The following PTCHD4 variants were observed in gnomAD, a reference collection of about 807,000 sequenced individuals.
PTCHD4 encodes the protein patched domain-containing protein 4.
PTCHD4 carries 33 observed loss-of-function variants against 58.1 expected under a neutral mutation model. The ratio of observed to expected loss-of-function variants is 0.57; its 90% CI spans 0.43 to 0.76. The LOEUF (loss-of-function observed/expected upper bound fraction) is 0.76, where lower values mean the gene tolerates loss of function less well. Among genes scored for constraint, PTCHD4 ranks in the 30% least tolerant of loss-of-function variants. PTCHD4 has a pLI of 0.00. For synonymous variants in PTCHD4, 478 were observed against 409.6 expected (o/e 1.17, Z -2.02); for missense variants, 1,058 against 1,027.1 (o/e 1.03, Z -0.41).
intron 1 of PTCHD4, among the ~76,000 whole-genome samples, chr6:48,081,112 AATGTACAAAACCCTCCT>A (rs1274279449): frequency 6.6e-6 from 1 of 152,174 alleles, no homozygotes; most frequent in Non-Finnish European, 1.5e-5. Context: ...GAATAACCAA[AATGTACAAAACCCTCCT>A]ATGTACAAAA....
At chr6:47,911,043 G>C (rs1290603684) in intron 4 of PTCHD4, among the ~76,000 whole-genome samples, 1 of 151,992 alleles carries the variant, frequency 6.6e-6, no homozygotes, top group Non-Finnish European at 1.5e-5. Flanking sequence ...TAAAAATAAA[G>C]CCAAAGAATG....
chr6:48,098,342 C>CTTTTTT (rs776103767), intron 1 of PTCHD4, among the ~76,000 whole-genome samples: 1 of 140,244 alleles, frequency 7.1e-6, no homozygotes, highest in Non-Finnish European at 1.6e-5. Flanking sequence ...TCTTCTTCTT[C>CTTTTTT]TTTTTTTTTT....
intron 4 of PTCHD4, among the ~76,000 whole-genome samples, chr6:47,905,544 A>T (rs11753900): frequency 0.66 from 100,130 of 152,134 alleles, 33,282 homozygotes; most frequent in East Asian, 0.78. Context: ...ATGTGCAAGT[A>T]ATTGTTACAT....
chr6:47,918,048 G>T (rs576374307), intron 4 of PTCHD4, among the ~76,000 whole-genome samples: 7 of 152,152 alleles, frequency 4.6e-5, no homozygotes, highest in African/African-American at 1.7e-4. Context: ...CAGCTTCTAA[G>T]TACGTGTTTT....
chr6:47,907,734 C>T (rs1301764616), intron 4 of PTCHD4, among the ~76,000 whole-genome samples: 4 of 152,262 alleles, frequency 2.6e-5, no homozygotes, highest in Middle Eastern at 3.4e-3. Context: ...AAAACCATGC[C>T]TACCTCTGTT....
intron 4 of PTCHD4, among the ~76,000 whole-genome samples, chr6:47,941,971 TG>T (rs911361887): frequency 3.3e-5 from 5 of 152,228 alleles, no homozygotes; most frequent in African/African-American, 1.2e-4. Context: ...GAAGTTGTGT[TG>T]AATGTGAATC....
chr6:48,036,186 T>C, intron 3 of PTCHD4, among the ~76,000 whole-genome samples: 1 of 152,038 alleles, frequency 6.6e-6, no homozygotes, highest in East Asian at 1.9e-4. Flanking sequence ...AGTATGTGTG[T>C]ATAAGCAGAG....
Position 47,875,029 on chromosome 6 carries a change from T to A in PTCHD4, c.*3274A>T, listed in dbSNP as rs1160833792. ...TGGCACTTTCCAATTCAAATTTAAATTCTGATGGAAGGAAATAAATCCACA... is the reference window on the plus strand; with the variant it reads ...TGGCACTTTCCAATTCAAATTTAAAATCTGATGGAAGGAAATAAATCCACA... On this transcript the variant is annotated 3_prime_UTR_variant, in exon 5 of 5. Coordinates refer to ENST00000339488, the MANE Select transcript of PTCHD4 (RefSeq NM_001384253.1). Among the ~76,000 whole-genome samples, 1 of 151,820 alleles carries A rather than the reference T, an allele frequency of 6.6e-6. No homozygotes were observed. The highest frequency in any genetic ancestry group is 2.4e-5 in the African/African-American group (1 of 41,380).
At chr6:47,928,258 A>T (rs1263675785) in intron 4 of PTCHD4, among the ~76,000 whole-genome samples, 1 of 152,206 alleles carries the variant, frequency 6.6e-6, no homozygotes, top group Admixed American at 6.5e-5. Flanking sequence ...CTTATCTAAG[A>T]TGAGTGAAAT....
chr6:47,974,334 T>C (rs1767616476), intron 4 of PTCHD4, among the ~76,000 whole-genome samples: 1 of 152,194 alleles, frequency 6.6e-6, no homozygotes, highest in Non-Finnish European at 1.5e-5. Flanking sequence ...TTTGTTCTAT[T>C]ACGGAGCCAA....
intron 4 of PTCHD4, among the ~76,000 whole-genome samples, chr6:47,925,179 A>ATGTGTG (rs1380938074): frequency 6.8e-6 from 1 of 145,986 alleles, no homozygotes; most frequent in Admixed American, 6.8e-5. Flanking sequence ...TATATTATAT[A>ATGTGTG]TATGTGTGTG....
chr6:48,001,338 G>C (rs1768714882), intron 4 of PTCHD4, among the ~76,000 whole-genome samples: 2 of 152,166 alleles, frequency 1.3e-5, no homozygotes, highest in Admixed American at 6.5e-5. Flanking sequence ...GAGGCATCAT[G>C]CTACCTGACT....
In PTCHD4 at chr6:47,869,855, A is replaced by C. The variant is rs558535924; in HGVS notation, c.*8448T>G. On this transcript the variant is annotated 3_prime_UTR_variant, in exon 5 of 5. Coordinates refer to ENST00000339488, the MANE Select transcript of PTCHD4 (RefSeq NM_001384253.1). ...GAAGTTTAATTCTTAGCCTAGAATT[A>C]AAAGGTAGCATGCTCGAAGTTCTCA... is the stretch of plus-strand genomic sequence containing the variant. 2.0e-5 allele frequency among the ~76,000 whole-genome samples: 3 copies of C among 151,780 alleles called. 1 individual carries two copies. In the South Asian group the frequency reaches 6.2e-4, roughly 31 times the overall value.
At position 47,876,795 on chromosome 6, in the gene PTCHD4, T is replaced by G. The variant is rs1431987922; in HGVS notation, c.*1508A>C. ...TTTCCTGTGACAGGAGGCACAGCAA[T>G]AGTCCAAGTAAGCACCCAACAGGTG... is the stretch of plus-strand genomic sequence containing the variant. On this transcript the variant is annotated 3_prime_UTR_variant, in exon 5 of 5. Coordinates refer to ENST00000339488, the MANE Select transcript of PTCHD4 (RefSeq NM_001384253.1). Among the ~76,000 whole-genome samples, 1 of 152,002 alleles carries G rather than the reference T, an allele frequency of 6.6e-6. No homozygotes were observed. The highest frequency in any genetic ancestry group is 1.5e-5 in the Non-Finnish European group (1 of 67,956).
intron 4 of PTCHD4, among the ~76,000 whole-genome samples, chr6:47,926,690 G>C (rs1190879634): frequency 1.3e-5 from 2 of 152,180 alleles, no homozygotes; most frequent in Admixed American, 1.3e-4. Context: ...CAAATAGCCT[G>C]TAGTAGAAAG....
chr6:48,012,844 TC>T (rs1762729812), intron 3 of PTCHD4, among the ~76,000 whole-genome samples: 1 of 152,002 alleles, frequency 6.6e-6, no homozygotes, highest in Non-Finnish European at 1.5e-5. Flanking sequence ...GTGGTTTTTG[TC>T]ATTGGTTCTG....
chr6:48,007,226 C>A (rs955956903), intron 4 of PTCHD4, among the ~76,000 whole-genome samples: 1 of 151,842 alleles, frequency 6.6e-6, no homozygotes, highest in Non-Finnish European at 1.5e-5. Context: ...GAAGACAGAG[C>A]GAGACTCTGT....
chr6:48,025,880 A>T (rs1037829160), intron 3 of PTCHD4, among the ~76,000 whole-genome samples: 4 of 152,130 alleles, frequency 2.6e-5, no homozygotes, highest in African/African-American at 7.2e-5. Context: ...GAAGGAATGG[A>T]ATGGCACTCA....
chr6:48,071,590 C>T (rs1250539872), intron 1 of PTCHD4, among the ~76,000 whole-genome samples: 2 of 152,084 alleles, frequency 1.3e-5, no homozygotes, highest in Non-Finnish European at 2.9e-5. Context: ...TTCCTTATAA[C>T]CTATGCTCAG....
Sources: allele counts gnomAD v4.1 joint callset (sites outside exome capture counted in the v4.1 genomes callset), GRCh38; gene constraint gnomAD v4.1.1; transcripts MANE v1.5; gene names NCBI Gene and HGNC (gene_info 2026-07-23, HGNC 2026-07-21).